TIMP2: variants seen among roughly 807,000 people sequenced by gnomAD.
TIMP2 encodes metalloproteinase inhibitor 2.
In TIMP2, 5 loss-of-function variants were observed where a neutral mutation model predicts 24.3. The observed-to-expected ratio is 0.21, with a 90% CI of 0.11 to 0.43. The LOEUF (loss-of-function observed/expected upper bound fraction) is 0.43, where lower values mean the gene tolerates loss of function less well. Ranked by LOEUF, TIMP2 falls within the 20% of genes least tolerant of loss-of-function variation. TIMP2 has a pLI of 1.00. For synonymous variants in TIMP2, 130 were observed against 123.2 expected, an observed-to-expected ratio of 1.06 and a Z score of -0.37; for missense variants, 221 against 297.5, an observed-to-expected ratio of 0.74 and a Z score of 1.89.
At position 78,920,501 on chromosome 17, in the gene TIMP2, T is replaced by G. The variant is rs1378470788; in HGVS notation, c.130+4458A>C. Among the ~76,000 whole-genome samples, 1 of 152,082 alleles carries G rather than the reference T, an allele frequency of 6.6e-6. No homozygotes were observed. Among genetic ancestry groups the G allele is most frequent in the Non-Finnish European group, 1.5e-5 (1 of 68,002 alleles). Reference sequence around the variant, plus strand: ...GGCTGTGCACAGCTCTCCCTGCTCTTCCAGTCCCCCTGCCTTGGGAGCTGC... The same window carrying G: ...GGCTGTGCACAGCTCTCCCTGCTCTGCCAGTCCCCCTGCCTTGGGAGCTGC... On this transcript the variant is annotated intron_variant, in intron 1 of 4. Transcript: ENST00000262768. This position sits in a 1 kb window ranked among gnomAD's most constrained non-coding sequence, Gnocchi z 4.5.
rs1209371978 is a variant in TIMP2 at position 78,857,660 on chromosome 17, G to A, written c.341-14C>T. On this transcript the variant is annotated splice_polypyrimidine_tract_variant and intron_variant, in intron 3 of 4. Transcript: ENST00000262768. ...CCTCGGCCTTTCCTGCGGAGAGACG[G>A]GGATCACCGAGCTCAGGGAGAGGGA... The A allele has an allele frequency of 1.9e-6, 3 of 1,613,960 alleles. No individual in the cohort carries two copies. Among genetic ancestry groups the A allele is most frequent in the South Asian group, 2.2e-5 (2 of 91,082 alleles).
rs1452940317 is a variant in TIMP2, at chr17:78,854,916, G to T, written c.*751C>A. On this transcript the variant is annotated 3_prime_UTR_variant, in exon 5 of 5. Coordinates refer to ENST00000262768, the MANE Select transcript of TIMP2 (RefSeq NM_003255.5). ...ATTCCTCCTGCAAGCTGGGGAGCATGTGGGCGGGGGGGGGGGGGTGGGGGG... is the reference window on the plus strand; with the variant it reads ...ATTCCTCCTGCAAGCTGGGGAGCATTTGGGCGGGGGGGGGGGGGTGGGGGG... The T allele has an allele frequency of 2.0e-5, 2 of 102,330 alleles. No individual in the cohort carries two copies. Among genetic ancestry groups the T allele is most frequent in the Non-Finnish European group, 4.1e-5 (2 of 48,328 alleles). The allele number at this position is 102,330 out of a possible 1,614,324, so 6.3% of individuals were successfully genotyped here.
intron 3 of TIMP2, among the ~76,000 whole-genome samples, chr17:78,861,440 C>T (rs1258377249): frequency 2.6e-5 from 4 of 152,182 alleles, no homozygotes; most frequent in Non-Finnish European, 5.9e-5. Flanking sequence ...ATAGTAATTG[C>T]TCAATAAGTT....
At chr17:78,886,271 T>A (rs1383768386) in intron 1 of TIMP2, among the ~76,000 whole-genome samples, 1 of 152,066 alleles carries the variant, frequency 6.6e-6, no homozygotes, top group Admixed American at 6.6e-5. Flanking sequence ...AACACATGGG[T>A]CACAAATGCT....
chr17:78,897,503 C>T (rs1050596158), intron 1 of TIMP2: 1 of 152,238 alleles, frequency 6.6e-6, no homozygotes, highest in Non-Finnish European at 1.5e-5. Flanking sequence ...TGTGACGAGG[C>T]TGCTGGAGCC....
At chr17:78,903,621 G>T (rs916766352) in intron 1 of TIMP2, among the ~76,000 whole-genome samples, 60 of 152,302 alleles carry the variant, frequency 3.9e-4, no homozygotes, top group African/African-American at 1.3e-3. Flanking sequence ...TCGTTAAACT[G>T]AAACCCACTG....
chr17:78,918,065 A>ACACGCGCGC (rs1555652947), intron 1 of TIMP2, among the ~76,000 whole-genome samples: 3 of 144,812 alleles, frequency 2.1e-5, no homozygotes, highest in Non-Finnish European at 3.0e-5. Context: ...TGCACACACA[A>ACACGCGCGC]ACACACACAC....
intron 1 of TIMP2, among the ~76,000 whole-genome samples, chr17:78,901,473 C>G (rs957394306): frequency 6.6e-6 from 1 of 151,900 alleles, no homozygotes; most frequent in African/African-American, 2.4e-5. Context: ...GAGAAGAGGC[C>G]GCAGGCTTGG....
chr17:78,891,015 C>A lies in TIMP2; in HGVS notation c.131-17096G>T, dbSNP rs1309425362. The A allele has an allele frequency of 2.6e-6, 4 of 1,551,184 alleles. No individual in the cohort carries two copies. In the South Asian group the frequency reaches 4.8e-5, roughly 18 times the overall value. On this transcript the variant is annotated intron_variant, in intron 1 of 4. Coordinates refer to ENST00000262768, the MANE Select transcript of TIMP2 (RefSeq NM_003255.5). The surrounding 1 kb of genome is among the most constrained non-coding windows in gnomAD (Gnocchi z 4.5). Reference sequence around the variant, plus strand: ...TGCCTTTGCCTGGATGCCGTCGAGCCCACTCTGTCTGCCTGGTCTTGAAGG... The same window carrying A: ...TGCCTTTGCCTGGATGCCGTCGAGCACACTCTGTCTGCCTGGTCTTGAAGG...
At chr17:78,858,359 C>T (rs1268606193) in intron 3 of TIMP2, among the ~76,000 whole-genome samples, 4 of 151,782 alleles carry the variant, frequency 2.6e-5, no homozygotes, top group African/African-American at 7.3e-5. Flanking sequence ...AGGAGAATGG[C>T]GTGAACCCGG....
At chr17:78,890,064 C>T (rs1021774360) in intron 1 of TIMP2, among the ~76,000 whole-genome samples, 1 of 152,078 alleles carries the variant, frequency 6.6e-6, no homozygotes, top group Non-Finnish European at 1.5e-5. Flanking sequence ...GGTACTGAGT[C>T]GAGACTGCAC....
chr17:78,906,757 A>G (rs1236129615), intron 1 of TIMP2, among the ~76,000 whole-genome samples: 1 of 151,648 alleles, frequency 6.6e-6, no homozygotes, highest in Non-Finnish European at 1.5e-5. Context: ...TAATTTTTGT[A>G]TTTTTGGTAG....
In TIMP2 at chr17:78,880,180, A is replaced by T. The variant is rs542177243; in HGVS notation, c.131-6261T>A. Among the ~76,000 whole-genome samples the T allele has an allele frequency of 9.9e-5, 15 of 152,268 alleles. No individual in the cohort carries two copies. The South Asian group carries it at 3.1e-3, about 32-fold the overall frequency. On this transcript the variant is annotated intron_variant, in intron 1 of 4. Coordinates refer to ENST00000262768, the MANE Select transcript of TIMP2 (RefSeq NM_003255.5). ...CACGCCAGCCCCAGGCAGAGACGCC[A>T]CGGCTTCTGTGGCACGGTCCTCCCT...
chr17:78,891,923 GGCCTGGAGT>G lies in TIMP2; in HGVS notation c.131-18013_131-18005del. The G allele has an allele frequency of 1.3e-6, 2 of 1,550,548 alleles. No homozygotes were observed. The highest frequency in any genetic ancestry group is 1.7e-6 in the Non-Finnish European group (2 of 1,146,994). On this transcript the variant is annotated intron_variant, in intron 1 of 4. Transcript: ENST00000262768. This position sits in a 1 kb window ranked among gnomAD's most constrained non-coding sequence, Gnocchi z 4.5. Reference sequence around the variant, plus strand: ...CTCTGGACTCGCTGCTGTCTTCCGGGGCCTGGAGTGCCTGGGGTGTTGCTGGCCCAACTC... The same window carrying G: ...CTCTGGACTCGCTGCTGTCTTCCGGGGCCTGGGGTGTTGCTGGCCCAACTC...
At chr17:78,884,993 G>C (rs1223424219) in intron 1 of TIMP2, among the ~76,000 whole-genome samples, 1 of 152,228 alleles carries the variant, frequency 6.6e-6, no homozygotes, top group East Asian at 1.9e-4. Flanking sequence ...GCAGGTTGGG[G>C]GGGAGCAGGC....
intron 3 of TIMP2, among the ~76,000 whole-genome samples, chr17:78,862,032 A>C (rs752288637): frequency 2.0e-5 from 3 of 152,222 alleles, no homozygotes; most frequent in Non-Finnish European, 2.9e-5. Context: ...AAAGCGAGGC[A>C]TGAGTCTGGG....
intron 1 of TIMP2, among the ~76,000 whole-genome samples, chr17:78,881,134 G>A (rs2069776291): frequency 1.3e-5 from 2 of 152,230 alleles, no homozygotes; most frequent in Non-Finnish European, 1.5e-5. Context: ...TGCACCTTGT[G>A]TGCACACTGA....
At position 78,924,459 on chromosome 17, in the gene TIMP2, C is replaced by T. The variant is rs1347607408; in HGVS notation, c.130+500G>A. On this transcript the variant is annotated intron_variant, in intron 1 of 4. Transcript: ENST00000262768. The surrounding 1 kb of genome is among the most constrained non-coding windows in gnomAD (Gnocchi z 5.3). ...AGGGCGGGCTTCCATCCCACCCTGG[C>T]TTGATCGGGGAGCCCCCAAATGGGG... Among the ~76,000 whole-genome samples, 1 of 152,234 alleles carries T rather than the reference C, an allele frequency of 6.6e-6. No individual in the cohort carries two copies. The highest frequency in any genetic ancestry group is 1.5e-5 in the Non-Finnish European group (1 of 68,036).
chr17:78,906,626 A>T (rs1305247296), intron 1 of TIMP2, among the ~76,000 whole-genome samples: 2 of 151,942 alleles, frequency 1.3e-5, no homozygotes, highest in Non-Finnish European at 2.9e-5. Context: ...TCTGTTGCCC[A>T]GGCTGGAGTA....
Sources: allele counts gnomAD v4.1 joint callset (sites outside exome capture counted in the v4.1 genomes callset), GRCh38; gene constraint gnomAD v4.1.1; non-coding constraint Gnocchi (gnomAD v3.1); transcripts MANE v1.5; gene names NCBI Gene and HGNC (gene_info 2026-07-23, HGNC 2026-07-21).